The following GPLD1 variants were observed in gnomAD, a reference collection of about 807,000 sequenced individuals.
The protein encoded by GPLD1 is phosphatidylinositol-glycan-specific phospholipase D.
In GPLD1, 84 loss-of-function variants were observed where a neutral mutation model predicts 112.6. The ratio of observed to expected loss-of-function variants is 0.75; its 90% CI spans 0.63 to 0.89. GPLD1 has a LOEUF of 0.89. GPLD1 is among the 40% of genes least tolerant of loss of function. GPLD1 has a pLI of 0.00. For missense variants in GPLD1, 1,044 were observed against 1,051.5 expected, an observed-to-expected ratio of 0.99 and a Z score of 0.10; for synonymous variants, 386 against 403.8, an observed-to-expected ratio of 0.96 and a Z score of 0.53.
chr6:24,489,424 C>A lies in GPLD1; in HGVS notation c.88G>T (p.Val30Leu). ...AGACACCAGTACTTACCTATTTCTA[C>A]GTGTGTTGAAAGGCCACACGGTGAA... is the stretch of plus-strand genomic sequence containing the variant. ...RGSPCGLSTH[V>L]EIGHRALEFL... The change falls in exon 1 of 25, where the codon GTA becomes TTA. Residue 30 changes from valine to leucine, a missense_variant. Coordinates refer to ENST00000230036, the MANE Select transcript of GPLD1 (RefSeq NM_001503.4). 6.2e-7 allele frequency: 1 copy of A among 1,603,396 alleles called. No individual in the cohort carries two copies. Among genetic ancestry groups the A allele is most frequent in the Non-Finnish European group, 8.5e-7 (1 of 1,170,542 alleles).
rs552448427 is a variant in GPLD1 at position 24,432,529 on chromosome 6, A to G, written c.2436+658T>C. ...GGCAGGAAAATCACTTGAACCTGGG[A>G]GGTGGAGGTTGCGGTGAGCCAAATT... On this transcript the variant is annotated intron_variant, in intron 24 of 24. Transcript: ENST00000230036. 1.6e-4 allele frequency among the ~76,000 whole-genome samples: 25 copies of G among 152,274 alleles called. No individual in the cohort carries two copies. The East Asian group carries it at 4.6e-3, about 28-fold the overall frequency.
At chr6:24,476,070 G>T in intron 4 of GPLD1, 111 bp downstream of exon 4, 1 of 625,134 alleles carries the variant, frequency 1.6e-6, no homozygotes, top group Non-Finnish European at 2.9e-6. Flanking sequence ...ACTGAAGGTG[G>T]AATGGTGGGC....
At chr6:24,441,734 T>G (rs1389090401) in intron 20 of GPLD1, among the ~76,000 whole-genome samples, 1 of 152,208 alleles carries the variant, frequency 6.6e-6, no homozygotes, top group Non-Finnish European at 1.5e-5. Flanking sequence ...GCACTGCATT[T>G]CGAAAGGACC....
chr6:24,447,731 A>C, intron 17 of GPLD1, 146 bp downstream of exon 17: 7 of 783,086 alleles, frequency 8.9e-6, no homozygotes, highest in Non-Finnish European at 1.4e-5. Flanking sequence ...ATCACTTGCC[A>C]ACACATCTTT....
In GPLD1 at chr6:24,433,250, C is replaced by A. The variant is rs1201404612; in HGVS notation, c.2386-13G>T. The A allele has an allele frequency of 3.7e-6, 6 of 1,611,190 alleles. No homozygotes were observed. Among genetic ancestry groups the A allele is most frequent in the Non-Finnish European group, 5.1e-6 (6 of 1,177,356 alleles). ...ACCTTGAGCTGGCCTGTAAAACATGCCGTCTGTTAATGGGCTTTGAAGAAC... is the reference window on the plus strand; with the variant it reads ...ACCTTGAGCTGGCCTGTAAAACATGACGTCTGTTAATGGGCTTTGAAGAAC... On this transcript the variant is annotated splice_polypyrimidine_tract_variant and intron_variant, in intron 23 of 24. Transcript: ENST00000230036.
At chr6:24,433,483 ACTTTTT>A in intron 22 of GPLD1, 94 bp from the exon 23 acceptor site, 1 of 508,956 alleles carries the variant, frequency 2.0e-6, no homozygotes, top group Non-Finnish European at 3.1e-6. Context: ...CCTCATTTCT[ACTTTTT>A]TTTTTTTTTT....
chr6:24,434,654 G>A (rs1380796853), intron 22 of GPLD1, among the ~76,000 whole-genome samples: 2 of 151,538 alleles, frequency 1.3e-5, no homozygotes, highest in African/African-American at 2.4e-5. Context: ...TGGCTAACAC[G>A]GTGAAACCCC....
chr6:24,428,251 T>C lies in GPLD1; in HGVS notation c.*781A>G, dbSNP rs1561822147. On this transcript the variant is annotated 3_prime_UTR_variant, in exon 25 of 25. Coordinates refer to ENST00000230036, the MANE Select transcript of GPLD1 (RefSeq NM_001503.4). ...TTTTTAAGTTCAACTTTTTTTTAAC[T>C]TTTAAGTTCAGGGGTACATGCGCAG... 1 of 151,862 alleles carries C rather than the reference T, an allele frequency of 6.6e-6. No individual in the cohort carries two copies. The highest frequency in any genetic ancestry group is 1.5e-5 in the Non-Finnish European group (1 of 68,010). 9.4% of individuals were successfully genotyped at this position (151,862 alleles called of 1,614,324 possible).
In GPLD1 at chr6:24,456,565, A is replaced by T. The variant is rs1763275540; in HGVS notation, c.1081T>A (p.Ser361Thr). ...AAGGGGCTGGAGACGTGCTTTTGTG[A>T]CAACTGAGAGCCACCTATGAACATT... The part of the protein sequence containing the change: ...RTMFIGGSQL[S>T]QKHVSSPLAS... Residue 361 changes from serine (S) to threonine (T), a missense_variant, in exon 13 of 25, where the codon TCA (serine) becomes ACA (threonine). Transcript: ENST00000230036. 1.9e-6 allele frequency: 3 copies of T among 1,606,968 alleles called. No homozygotes were observed.
rs531417594 is a variant in GPLD1, at chr6:24,465,508, C to A, written c.821+1172G>T. Among the ~76,000 whole-genome samples, 24 of 152,100 alleles carry A rather than the reference C, an allele frequency of 1.6e-4. No individual in the cohort carries two copies. The South Asian group carries it at 3.5e-3, about 22-fold the overall frequency. The stretch of plus-strand genomic sequence containing the variant: ...CGAGCTGAGATAATGCCACTGCCCT[C>A]CAGCCTGGGTGACAGAACAAGACCC... On this transcript the variant is annotated intron_variant, in intron 10 of 24. Transcript: ENST00000230036.
intron 15 of GPLD1, among the ~76,000 whole-genome samples, chr6:24,449,465 C>T (rs1391371317): frequency 6.6e-6 from 1 of 152,102 alleles, no homozygotes; most frequent in Non-Finnish European, 1.5e-5. Flanking sequence ...GTTGTGATAA[C>T]CAGAAACTAC....
chr6:24,448,244 C>G (rs1295526943), intron 15 of GPLD1, 36 bp from the exon 16 acceptor site: 1 of 1,399,792 alleles, frequency 7.1e-7, no homozygotes. Context: ...ACATGAGGCT[C>G]TGGTGGTGAC....
intron 5 of GPLD1, 107 bp from the exon 6 acceptor site, chr6:24,473,774 C>A: frequency 1.5e-6 from 1 of 656,250 alleles, no homozygotes. Context: ...CAATGAACTG[C>A]TGAGGACGCA....
chr6:24,435,847 A>AAAAAAAAAAAAAAAAT (rs1762562414), intron 22 of GPLD1: 1 of 146,870 alleles, frequency 6.8e-6, no homozygotes, highest in Non-Finnish European at 1.5e-5. Context: ...AAAAAAAAAA[A>AAAAAAAAAAAAAAAAT]GTTAAATAAT....
chr6:24,468,000 G>A (rs775137394), intron 7 of GPLD1, among the ~76,000 whole-genome samples: 3 of 151,560 alleles, frequency 2.0e-5, no homozygotes, highest in Non-Finnish European at 2.9e-5. Flanking sequence ...TCCGCCTCCC[G>A]GGTTCAAGCA....
At chr6:24,484,682 G>A (rs896367345) in intron 2 of GPLD1, among the ~76,000 whole-genome samples, 1 of 152,210 alleles carries the variant, frequency 6.6e-6, no homozygotes, top group Non-Finnish European at 1.5e-5. Context: ...TTCATGTGAT[G>A]AATTAGGCAG....
chr6:24,465,715 G>C (rs555704825), intron 10 of GPLD1, among the ~76,000 whole-genome samples: 1 of 151,714 alleles, frequency 6.6e-6, no homozygotes. Context: ...TCTATATTTC[G>C]GCTGAGTTTC....
chr6:24,434,942 T>C (rs1370873039), intron 22 of GPLD1, among the ~76,000 whole-genome samples: 1 of 151,312 alleles, frequency 6.6e-6, no homozygotes. Flanking sequence ...AGTGCTGGGA[T>C]TACAAGCATA....
intron 7 of GPLD1, among the ~76,000 whole-genome samples, chr6:24,468,687 G>A (rs1408472019): frequency 6.6e-6 from 1 of 152,072 alleles, no homozygotes; most frequent in Non-Finnish European, 1.5e-5. Context: ...CCAAGCAGCT[G>A]AGACTACAGG....
Sources: allele counts gnomAD v4.1 joint callset (sites outside exome capture counted in the v4.1 genomes callset), GRCh38; gene constraint gnomAD v4.1.1; transcripts MANE v1.5; gene names NCBI Gene and HGNC (gene_info 2026-07-23, HGNC 2026-07-21).